Variants in OSTC observed in about 807,000 individuals in gnomAD.
OSTC encodes oligosaccharyltransferase complex subunit OSTC.
A neutral mutation model predicts 16.4 loss-of-function variants in OSTC; 16 were observed. The ratio of observed to expected loss-of-function variants is 0.98; its 90% CI spans 0.66 to 1.49. The LOEUF (loss-of-function observed/expected upper bound fraction) is 1.49, where lower values mean the gene tolerates loss of function less well. Among genes scored for constraint, OSTC ranks in the 40% most tolerant of loss-of-function variants. The pLI, the probability that OSTC is intolerant of heterozygous loss-of-function variation, is 0.00. For missense variants in OSTC, 139 were observed against 186.3 expected, an observed-to-expected ratio of 0.75 and a Z score of 1.48; for synonymous variants, 67 against 68.5, an observed-to-expected ratio of 0.98 and a Z score of 0.11.
chr4:108,661,956 G>A lies in OSTC; in HGVS notation c.431+4309G>A, dbSNP rs538131338. ...AGGTGGCCTGTGGTGGCGTGGTAATGCCCTAAAGTCAGGTGAGGTGTTCAA... is the reference window on the plus strand; with the variant it reads ...AGGTGGCCTGTGGTGGCGTGGTAATACCCTAAAGTCAGGTGAGGTGTTCAA... On this transcript the variant is annotated intron_variant, in intron 3 of 3. Transcript: ENST00000361564. Among the ~76,000 whole-genome samples the A allele has an allele frequency of 1.5e-3, 227 of 152,286 alleles. 1 individual carries two copies. Among genetic ancestry groups the A allele is most frequent in the African/African-American group, 4.5e-3 (188 of 41,566 alleles).
intron 1 of OSTC, among the ~76,000 whole-genome samples, chr4:108,654,092 A>G (rs1055865760): frequency 2.6e-5 from 4 of 152,310 alleles, no homozygotes; most frequent in African/African-American, 9.6e-5. Flanking sequence ...TTTTTCAAGA[A>G]ATTGGTTTAG....
intron 3 of OSTC, 45 bp from the exon 4 acceptor site, chr4:108,667,202 A>C: frequency 6.4e-7 from 1 of 1,554,642 alleles, no homozygotes; most frequent in Non-Finnish European, 8.8e-7. Flanking sequence ...GAGAATATAA[A>C]AACAATTCTT....
chr4:108,651,202 A>G (rs889675100), intron 1 of OSTC: 2 of 171,150 alleles, frequency 1.2e-5, no homozygotes, highest in African/African-American at 4.8e-5. Context: ...AATTTGGCCA[A>G]CTCCGCTTCC....
chr4:108,665,651 C>T (rs572590914), intron 3 of OSTC, among the ~76,000 whole-genome samples: 64 of 151,780 alleles, frequency 4.2e-4, no homozygotes, highest in African/African-American at 1.3e-3. Context: ...CCTCCACCTC[C>T]TGGGTTCAAG....
intron 1 of OSTC, 124 bp from the exon 2 acceptor site, chr4:108,655,440 C>T: frequency 5.3e-6 from 3 of 568,426 alleles, no homozygotes; most frequent in South Asian, 5.4e-5. Flanking sequence ...CACTCTCAAC[C>T]TGGGCGACAG....
intron 3 of OSTC, among the ~76,000 whole-genome samples, chr4:108,658,475 GATT>G (rs1726769431): frequency 1.3e-5 from 2 of 151,202 alleles, no homozygotes; most frequent in African/African-American, 4.9e-5. Context: ...TGTATTTAAA[GATT>G]ATTTTGATTC....
intron 2 of OSTC, among the ~76,000 whole-genome samples, chr4:108,656,650 C>T (rs940065796): frequency 2.0e-5 from 3 of 151,926 alleles, no homozygotes; most frequent in African/African-American, 7.3e-5. Context: ...TTATGGGACC[C>T]ATGGAGCCTT....
chr4:108,664,547 G>A (rs772383072), intron 3 of OSTC, among the ~76,000 whole-genome samples: 2 of 151,534 alleles, frequency 1.3e-5, no homozygotes, highest in Non-Finnish European at 2.9e-5. Context: ...AAATTTATGT[G>A]AGGTCTTTAA....
At position 108,650,718 on chromosome 4, in the gene OSTC, GC is replaced by G; in HGVS notation, c.65del (p.Pro22ArgfsTer10). 8 of 1,614,242 alleles carry G rather than the reference GC, an allele frequency of 5.0e-6. No individual in the cohort carries two copies. Among genetic ancestry groups the G allele is most frequent in the Non-Finnish European group, 6.8e-6 (8 of 1,180,030 alleles). On this transcript the variant is annotated frameshift_variant, in exon 1 of 4. Coordinates refer to ENST00000361564, the MANE Select transcript of OSTC (RefSeq NM_021227.4). LOFTEE classifies it high-confidence loss of function. ...AATGTCCCAACCTGAAGCTGAAGAA[GC>G]CGCCCTGGTTGCACATGCCGTCGGC... is the stretch of plus-strand genomic sequence containing the variant. Reference protein sequence around the residue: ...LECPNLKLKKPPWLHMPSAMT... With the variant: ...LECPNLKLKKXPWLHMPSAMT...
chr4:108,659,638 G>C (rs905245697), intron 3 of OSTC, among the ~76,000 whole-genome samples: 2 of 151,974 alleles, frequency 1.3e-5, no homozygotes, highest in African/African-American at 4.8e-5. Flanking sequence ...GCATGGTGTC[G>C]GGTGCCTGTA....
intron 3 of OSTC, among the ~76,000 whole-genome samples, chr4:108,659,545 G>C (rs917076431): frequency 6.6e-6 from 1 of 152,090 alleles, no homozygotes; most frequent in African/African-American, 2.4e-5. Context: ...GAAGCGGGCG[G>C]ATCACAAGGT....
chr4:108,655,680 AT>A (rs1227768941), intron 2 of OSTC, 23 bp downstream of exon 2: 1 of 1,544,134 alleles, frequency 6.5e-7, no homozygotes, highest in Non-Finnish European at 8.9e-7. Flanking sequence ...TTTTTGAATG[AT>A]TTGGTGGTGG....
At chr4:108,666,369 T>C (rs761503562) in intron 3 of OSTC, among the ~76,000 whole-genome samples, 26 of 152,182 alleles carry the variant, frequency 1.7e-4, no homozygotes, top group Non-Finnish European at 3.5e-4. Context: ...TTCTTTTCTT[T>C]ACTTCCTTTT....
intron 3 of OSTC, among the ~76,000 whole-genome samples, chr4:108,659,040 G>A (rs1355203953): frequency 2.7e-5 from 2 of 74,412 alleles, no homozygotes; most frequent in Non-Finnish European, 5.3e-5. Context: ...GTGCAGTGGT[G>A]CAATCTCGGC....
intron 3 of OSTC, among the ~76,000 whole-genome samples, chr4:108,665,635 C>T (rs2110389274): frequency 6.6e-6 from 1 of 151,514 alleles, no homozygotes; most frequent in Admixed American, 6.6e-5. Flanking sequence ...TCTTGGCTCA[C>T]TGCAACCTCC....
At chr4:108,666,029 T>C (rs1332351896) in intron 3 of OSTC, among the ~76,000 whole-genome samples, 2 of 152,224 alleles carry the variant, frequency 1.3e-5, no homozygotes, top group Admixed American at 1.3e-4. Flanking sequence ...AGGGCCTAAC[T>C]TGCACATTTA....
intron 3 of OSTC, among the ~76,000 whole-genome samples, chr4:108,661,070 T>G (rs966114698): frequency 6.6e-6 from 1 of 151,920 alleles, no homozygotes; most frequent in Non-Finnish European, 1.5e-5. Context: ...ATAAAAAAAT[T>G]AGCTGGGCGT....
intron 1 of OSTC, chr4:108,652,275 G>A (rs1156859663): frequency 2.0e-5 from 3 of 152,036 alleles, no homozygotes; most frequent in African/African-American, 7.2e-5. Context: ...CACGAAGGTC[G>A]TTGGACAAAA....
chr4:108,652,043 G>C (rs1022725973), intron 1 of OSTC: 2 of 152,200 alleles, frequency 1.3e-5, no homozygotes, highest in Admixed American at 1.3e-4. Context: ...TGCTCATCAA[G>C]TTAATAGCTA....
Sources: allele counts gnomAD v4.1 joint callset (sites outside exome capture counted in the v4.1 genomes callset), GRCh38; gene constraint gnomAD v4.1.1; transcripts MANE v1.5; gene names NCBI Gene and HGNC (gene_info 2026-07-23, HGNC 2026-07-21).